Variants in AKT3 observed in about 807,000 individuals in gnomAD.
AKT3 encodes RAC-gamma serine/threonine-protein kinase.
In AKT3, 15 loss-of-function variants were observed where a neutral mutation model predicts 65.3. That is an observed-to-expected ratio of 0.23 (90% CI 0.15 to 0.35). AKT3 has a LOEUF of 0.35. AKT3 is among the 10% of genes least tolerant of loss of function. AKT3 has a pLI of 1.00. For missense variants in AKT3, 243 were observed against 576.5 expected (o/e 0.42, Z 5.92); for synonymous variants, 206 against 183.8 (o/e 1.12, Z -0.98).
downstream of AKT3, chr1:243,499,603 C>A: frequency 1.4e-6 from 1 of 705,440 alleles, no homozygotes. Context: ...AGATGAGGCA[C>A]AAACTTTTCA....
At chr1:243,644,099 T>C (rs1680633827) in intron 5 of AKT3, among the ~76,000 whole-genome samples, 1 of 152,218 alleles carries the variant, frequency 6.6e-6, no homozygotes, top group Non-Finnish European at 1.5e-5. Flanking sequence ...GATCTTTTAA[T>C]TGTATACTGT....
chr1:243,495,208 G>A (rs998472002), downstream of AKT3, among the ~76,000 whole-genome samples: 7 of 152,220 alleles, frequency 4.6e-5, no homozygotes, highest in South Asian at 4.1e-4. Context: ...CCTCCACCCC[G>A]GCCTCATGTG....
intron 4 of AKT3, among the ~76,000 whole-genome samples, chr1:243,660,510 AC>A (rs1210714715): frequency 3.3e-5 from 5 of 152,246 alleles, no homozygotes; most frequent in South Asian, 4.2e-4. Flanking sequence ...AAATTCAACA[AC>A]CCTTCATGCT....
chr1:243,604,770 C>T (rs563868976), intron 8 of AKT3, among the ~76,000 whole-genome samples: 1 of 152,256 alleles, frequency 6.6e-6, no homozygotes, highest in Non-Finnish European at 1.5e-5. Flanking sequence ...CAGTAAGTCA[C>T]TCATCAAAGG....
intron 2 of AKT3, among the ~76,000 whole-genome samples, chr1:243,738,314 G>C (rs1687955106): frequency 6.6e-6 from 1 of 152,158 alleles, no homozygotes; most frequent in Non-Finnish European, 1.5e-5. Flanking sequence ...ACAAGCCAGA[G>C]ACTAAAAGGT....
At chr1:243,496,315 C>T (rs1052373201), downstream of AKT3, among the ~76,000 whole-genome samples, 3 of 152,282 alleles carry the variant, frequency 2.0e-5, no homozygotes, top group African/African-American at 4.8e-5. Context: ...GCCCTGGCCC[C>T]GGTGCCCAGA....
chr1:243,689,777 AC>A (rs1331960294), intron 3 of AKT3, among the ~76,000 whole-genome samples: 4 of 151,894 alleles, frequency 2.6e-5, no homozygotes, highest in Non-Finnish European at 4.4e-5. Flanking sequence ...AAATGGTGAA[AC>A]CCTGTCTCTA....
intron 12 of AKT3, among the ~76,000 whole-genome samples, chr1:243,534,192 A>G (rs1380420188): frequency 6.6e-6 from 1 of 152,206 alleles, no homozygotes; most frequent in East Asian, 1.9e-4. Context: ...GGGATGGAAA[A>G]AAGATAGGCA....
chr1:243,516,198 G>A (rs974915622), intron 12 of AKT3, among the ~76,000 whole-genome samples: 13 of 152,170 alleles, frequency 8.5e-5, no homozygotes, highest in Non-Finnish European at 1.5e-4. Context: ...CAGGTACAAG[G>A]CTATTCATGA....
chr1:243,541,446 C>G (rs2148439271), intron 12 of AKT3, among the ~76,000 whole-genome samples: 1 of 151,890 alleles, frequency 6.6e-6, no homozygotes, highest in Non-Finnish European at 1.5e-5. Flanking sequence ...TTAAGGCTCC[C>G]TCCTTACTTT....
intron 8 of AKT3, among the ~76,000 whole-genome samples, chr1:243,585,196 C>A (rs1675701825): frequency 6.6e-6 from 1 of 152,018 alleles, no homozygotes; most frequent in Non-Finnish European, 1.5e-5. Flanking sequence ...AAGATCATTA[C>A]AAGGAGAACT....
At chr1:243,522,065 A>G (rs1670752114) in intron 12 of AKT3, among the ~76,000 whole-genome samples, 2 of 152,200 alleles carry the variant, frequency 1.3e-5, no homozygotes, top group African/African-American at 4.8e-5. Context: ...AAACACTGGG[A>G]GCCTTTTTAA....
At position 243,763,316 on chromosome 1, in the gene AKT3, G is replaced by A. The variant is rs141044183; in HGVS notation, c.47-67600C>T. 8.3e-3 allele frequency among the ~76,000 whole-genome samples: 1,260 copies of A among 152,146 alleles called. 14 individuals are homozygous for A. Among genetic ancestry groups the A allele is most frequent in the African/African-American group, 0.029 (1,212 of 41,536 alleles). On this transcript the variant is annotated intron_variant, in intron 2 of 13. Coordinates refer to ENST00000673466, the MANE Select transcript of AKT3 (RefSeq NM_005465.7). ...TTTCCAATTGGTAAGCTATATTTCAGAGAATCCTGCTGTCTTTAAAATCCT... is the reference window on the plus strand; with the variant it reads ...TTTCCAATTGGTAAGCTATATTTCAAAGAATCCTGCTGTCTTTAAAATCCT...
chr1:243,650,674 A>G (rs1681237151), intron 4 of AKT3, among the ~76,000 whole-genome samples: 2 of 151,992 alleles, frequency 1.3e-5, no homozygotes, highest in East Asian at 1.9e-4. Context: ...TCCTTTCCCC[A>G]TTGCTTTTTG....
chr1:243,502,290 T>C lies in AKT3; in HGVS notation c.*2959A>G. 1 of 232,840 alleles carries C rather than the reference T, an allele frequency of 4.3e-6. No homozygotes were observed. The highest frequency in any genetic ancestry group is 8.5e-6 in the Non-Finnish European group (1 of 117,788). The allele number at this position is 232,840 out of a possible 1,614,324, so 14.4% of individuals were successfully genotyped here. A position where few individuals can be genotyped will look rare whatever the true frequency, so the allele number is the denominator to read the frequency against. On this transcript the variant is annotated 3_prime_UTR_variant, in exon 14 of 14. Coordinates refer to ENST00000673466, the MANE Select transcript of AKT3 (RefSeq NM_005465.7). ...ACTTTTGTACTCTAGGAGAAGCAAG[T>C]GGCCCCTGCAAGAACAGTCAGCTTT...
chr1:243,734,650 A>C (rs941825027), intron 2 of AKT3, among the ~76,000 whole-genome samples: 2 of 152,148 alleles, frequency 1.3e-5, no homozygotes, highest in Non-Finnish European at 2.9e-5. Context: ...AGTGAATATG[A>C]AGGTCTAGTA....
intron 12 of AKT3, among the ~76,000 whole-genome samples, chr1:243,532,212 C>A (rs1032339354): frequency 6.6e-6 from 1 of 152,188 alleles, no homozygotes; most frequent in African/African-American, 2.4e-5. Flanking sequence ...AACTTTCAGT[C>A]TTTCACCATT....
chr1:243,764,972 A>G (rs947018581), intron 2 of AKT3, among the ~76,000 whole-genome samples: 2 of 152,136 alleles, frequency 1.3e-5, no homozygotes, highest in African/African-American at 4.8e-5. Flanking sequence ...CAGATGTCTA[A>G]TTCTAGAATT....
Position 243,816,501 on chromosome 1 carries a change from T to C in AKT3, c.46+26624A>G, listed in dbSNP as rs148610721. 4.9e-3 allele frequency among the ~76,000 whole-genome samples: 749 copies of C among 152,306 alleles called. 5 individuals carry two copies. Among genetic ancestry groups the C allele is most frequent in the African/African-American group, 0.017 (703 of 41,568 alleles). On this transcript the variant is annotated intron_variant, in intron 2 of 13. Transcript: ENST00000673466. ...ACCTTTAGTTCTACTACTGCAACTA[T>C]TATTTATATTCTGAGAAAAATTTTT...
Sources: gnomAD v4.1 joint callset for allele counts (sites outside exome capture counted in the v4.1 genomes callset) on GRCh38, gnomAD v4.1.1 for gene constraint, MANE v1.5 for transcripts, NCBI Gene and HGNC (gene_info 2026-07-23, HGNC 2026-07-21) for gene names.